The following ANXA8 variants were observed in gnomAD, a reference collection of about 807,000 sequenced individuals.
ANXA8 encodes VAC-beta.
A neutral mutation model predicts 26.8 loss-of-function variants in ANXA8; 9 were observed. The observed-to-expected ratio is 0.34, with a 90% CI of 0.20 to 0.59. The LOEUF (loss-of-function observed/expected upper bound fraction) is 0.59, where lower values mean the gene tolerates loss of function less well. Among genes scored for constraint, ANXA8 ranks in the 20% least tolerant of loss-of-function variants. ANXA8 has a pLI of 0.84. For missense variants in ANXA8, 83 were observed against 238.5 expected (o/e 0.35, Z 4.29); for synonymous variants, 39 against 94.8 (o/e 0.41, Z 3.42).
At chr10:47,632,283 C>T in the ANXA8 span, among the ~76,000 whole-genome samples, 1 of 150,330 alleles carries the variant, frequency 6.7e-6, no homozygotes, top group Non-Finnish European at 1.5e-5. Flanking sequence ...ACTTTATTGG[C>T]TTCAGATAAT....
the ANXA8 span, among the ~76,000 whole-genome samples, chr10:47,503,937 C>CAAAAAAAAAAAAAAAAAAAAAA: frequency 4.3e-5 from 1 of 23,442 alleles, no homozygotes; most frequent in Non-Finnish European, 6.8e-5. Context: ...GAGAGTCCAT[C>CAAAAAAAAAAAAAAAAAAAAAA]AAAAAAAAAA....
At chr10:47,589,949 T>TAGA in the ANXA8 span, among the ~76,000 whole-genome samples, 1 of 115,710 alleles carries the variant, frequency 8.6e-6, no homozygotes, top group Middle Eastern at 5.1e-3. Flanking sequence ...AGATAGATAG[T>TAGA]TGCTGCCTTT....
At chr10:47,508,955 A>C in the ANXA8 span, among the ~76,000 whole-genome samples, 11 of 130,080 alleles carry the variant, frequency 8.5e-5, 2 homozygotes, top group African/African-American at 1.4e-4. Context: ...TCATGATAAA[A>C]CATTTTTCAA....
chr10:47,970,588 T>C, the ANXA8 span: 1 of 151,498 alleles, frequency 6.6e-6, no homozygotes, highest in Admixed American at 6.6e-5. Context: ...AACAGTTCAC[T>C]AGCTGACCTG....
At chr10:47,955,234 A>G in the ANXA8 span, among the ~76,000 whole-genome samples, 2 of 148,902 alleles carry the variant, frequency 1.3e-5, no homozygotes, top group African/African-American at 5.0e-5. Flanking sequence ...CGTGATTGTG[A>G]GGCCTCCCCA....
chr10:47,502,817 T>A, the ANXA8 span: 2 of 1,596,886 alleles, frequency 1.3e-6, no homozygotes, highest in African/African-American at 2.7e-5. Flanking sequence ...TGGCTCTGGA[T>A]GGCTTGGACC....
chr10:47,778,913 GAT>G, the ANXA8 span, among the ~76,000 whole-genome samples: 2 of 150,942 alleles, frequency 1.3e-5, no homozygotes, highest in African/African-American at 4.9e-5. Context: ...GATATGATAT[GAT>G]ATGATATGAT....
At chr10:47,564,902 G>A in the ANXA8 span, 16 of 1,485,872 alleles carry the variant, frequency 1.1e-5, no homozygotes, top group African/African-American at 1.4e-5. Flanking sequence ...CCCCATCAAC[G>A]ACAACTACTG....
the ANXA8 span, among the ~76,000 whole-genome samples, chr10:47,940,992 TG>T: frequency 7.0e-6 from 1 of 142,288 alleles, no homozygotes; most frequent in South Asian, 2.3e-4. Flanking sequence ...GCCAATTCTC[TG>T]GGCACCGGTG....
At chr10:47,678,620 GA>G in the ANXA8 span, among the ~76,000 whole-genome samples, 1 of 151,804 alleles carries the variant, frequency 6.6e-6, no homozygotes, top group Non-Finnish European at 1.5e-5. Flanking sequence ...GAAGCACAAA[GA>G]GAAAAAAAAT....
the ANXA8 span, among the ~76,000 whole-genome samples, chr10:47,652,140 G>A: frequency 3.9e-5 from 6 of 151,952 alleles, no homozygotes; most frequent in Non-Finnish European, 8.8e-5. Flanking sequence ...GAGATGGGGA[G>A]GGAGGCAATT....
chr10:47,940,650 A>G, the ANXA8 span, among the ~76,000 whole-genome samples: 1 of 148,036 alleles, frequency 6.8e-6, no homozygotes, highest in Admixed American at 6.7e-5. Flanking sequence ...CAACATGGTG[A>G]AACACCGTCT....
chr10:47,481,493 A>C (rs1839795715), intron 1 of ANXA8, among the ~76,000 whole-genome samples: 1 of 140,944 alleles, frequency 7.1e-6, no homozygotes. Context: ...ACCCACAGGA[A>C]CGCAGGTCAT....
the ANXA8 span, among the ~76,000 whole-genome samples, chr10:47,921,337 G>A: frequency 3.3e-5 from 5 of 149,930 alleles, no homozygotes; most frequent in Non-Finnish European, 7.5e-5. Context: ...GGATCCCCGA[G>A]GCTTTAGCTC....
At chr10:47,897,176 C>G in the ANXA8 span, among the ~76,000 whole-genome samples, 1 of 84,026 alleles carries the variant, frequency 1.2e-5, no homozygotes, top group East Asian at 3.6e-4. Context: ...AAGTGATCTG[C>G]CTGACTCGGC....
the ANXA8 span, among the ~76,000 whole-genome samples, chr10:47,685,204 G>A: frequency 6.6e-6 from 1 of 150,896 alleles, no homozygotes; most frequent in Non-Finnish European, 1.5e-5. Flanking sequence ...AAATTAGCTG[G>A]GCATGGTGGT....
At chr10:47,591,591 C>G in the ANXA8 span, among the ~76,000 whole-genome samples, 1 of 142,496 alleles carries the variant, frequency 7.0e-6, no homozygotes, top group East Asian at 2.0e-4. Context: ...CTACAGGCAC[C>G]CGCCACCAGG....
the ANXA8 span, among the ~76,000 whole-genome samples, chr10:47,496,957 C>T: frequency 1.4e-5 from 2 of 140,786 alleles, no homozygotes; most frequent in African/African-American, 5.4e-5. Context: ...ATCTTTCCCC[C>T]TCATAGGGGG....
the ANXA8 span, among the ~76,000 whole-genome samples, chr10:47,668,485 T>C: frequency 6.6e-6 from 1 of 150,770 alleles, no homozygotes; most frequent in African/African-American, 2.5e-5. Flanking sequence ...CAGACTGGTC[T>C]CGAACTCTTA....
Sources: gnomAD v4.1 joint callset for allele counts (sites outside exome capture counted in the v4.1 genomes callset) on GRCh38, gnomAD v4.1.1 for gene constraint, MANE v1.5 for transcripts, NCBI Gene and HGNC (gene_info 2026-07-23, HGNC 2026-07-21) for gene names.